The following STOX2 variants were observed in gnomAD, a reference collection of about 807,000 sequenced individuals.
The protein encoded by STOX2 is storkhead-box protein 2.
Under a neutral mutation model 60.9 loss-of-function variants are expected in STOX2, and 28 were observed. The observed-to-expected ratio is 0.46, with a 90% CI of 0.34 to 0.63. The LOEUF (loss-of-function observed/expected upper bound fraction) is 0.63, where lower values mean the gene tolerates loss of function less well. STOX2 is among the 30% of genes least tolerant of loss of function. The pLI, the probability that STOX2 is intolerant of heterozygous loss-of-function variation, is 0.01. For missense variants in STOX2, 1,024 were observed against 1,187.7 expected (o/e 0.86, Z 2.03); for synonymous variants, 472 against 463.9 (o/e 1.02, Z -0.22).
At chr4:183,834,944 A>G (rs910882225) in intron 1 of STOX2, among the ~76,000 whole-genome samples, 10 of 152,168 alleles carry the variant, frequency 6.6e-5, no homozygotes, top group African/African-American at 2.4e-4. Context: ...GGATGAGCCA[A>G]GAATTTCCGA....
At chr4:183,996,106 C>G (rs540791342) in intron 1 of STOX2, among the ~76,000 whole-genome samples, 4 of 152,248 alleles carry the variant, frequency 2.6e-5, no homozygotes, top group Admixed American at 2.0e-4. Context: ...ATTTTAAGCT[C>G]GCTTAAAAAT....
At chr4:183,870,701 G>A (rs1183757638) in intron 1 of STOX2, among the ~76,000 whole-genome samples, 1 of 152,104 alleles carries the variant, frequency 6.6e-6, no homozygotes, top group East Asian at 1.9e-4. Context: ...TTTCATAGCT[G>A]CTTTGTCTTT....
At chr4:183,891,261 A>C (rs1741200989) in intron 1 of STOX2, among the ~76,000 whole-genome samples, 1 of 150,150 alleles carries the variant, frequency 6.7e-6, no homozygotes, top group African/African-American at 2.5e-5. Context: ...TGGATAAAGA[A>C]ACTGGTGTGT....
chr4:183,860,442 C>CAAAAAAAAAAAAAAAAAAAGAAAAAA (rs35753992), intron 1 of STOX2, among the ~76,000 whole-genome samples: 1 of 121,506 alleles, frequency 8.2e-6, no homozygotes, highest in Non-Finnish European at 1.7e-5. Context: ...AAACAAAAAA[C>CAAAAAAAAAAAAAAAAAAAGAAAAAA]AAAAAAAAAA....
At chr4:183,815,183 G>A (rs1384070475) in intron 1 of STOX2, among the ~76,000 whole-genome samples, 1 of 151,466 alleles carries the variant, frequency 6.6e-6, no homozygotes, top group African/African-American at 2.4e-5. Flanking sequence ...TTTTAATAGA[G>A]AAGGAGTCTT....
rs886844498 is a variant in STOX2, at chr4:183,821,557, G to T, written c.364+23502G>T. Among the ~76,000 whole-genome samples the T allele has an allele frequency of 6.6e-6, 1 of 152,216 alleles. No individual in the cohort carries two copies. Among genetic ancestry groups the T allele is most frequent in the Admixed American group, 6.5e-5 (1 of 15,286 alleles). On this transcript the variant is annotated intron_variant, in intron 1 of 2. Transcript: ENST00000513034. The surrounding 1 kb of genome is among the most constrained non-coding windows in gnomAD (Gnocchi z 4.2). ...GTCATTGCTCACAGCTCCCCATCTT[G>T]CTGTGTCCTTTGTTCTGATGTCACT... is the stretch of plus-strand genomic sequence containing the variant.
intron 1 of STOX2, among the ~76,000 whole-genome samples, chr4:183,805,386 A>G (rs559971640): frequency 3.8e-4 from 58 of 152,326 alleles, no homozygotes; most frequent in African/African-American, 1.3e-3. Flanking sequence ...GTTTATCTCA[A>G]TGAGGAATAA....
At chr4:183,987,230 T>C (rs1217502029) in intron 1 of STOX2, among the ~76,000 whole-genome samples, 1 of 152,150 alleles carries the variant, frequency 6.6e-6, no homozygotes, top group Non-Finnish European at 1.5e-5. Context: ...CTCCTTCCAT[T>C]GTGTTCTCTC....
chr4:183,969,099 G>A (rs1165683824), intron 1 of STOX2, among the ~76,000 whole-genome samples: 3 of 152,180 alleles, frequency 2.0e-5, no homozygotes, highest in South Asian at 2.1e-4. Context: ...GAGAATTGAC[G>A]CCTTTATTGC....
intron 1 of STOX2, among the ~76,000 whole-genome samples, chr4:183,989,185 T>TG (rs1391418542): frequency 1.6e-4 from 7 of 43,984 alleles, no homozygotes; most frequent in Non-Finnish European, 3.2e-4. Context: ...TTTTTTTTTT[T>TG]TTTTTTTTGT....
intron 1 of STOX2, among the ~76,000 whole-genome samples, chr4:183,852,464 G>A (rs1269705822): frequency 4.5e-5 from 2 of 44,884 alleles, no homozygotes; most frequent in Non-Finnish European, 9.1e-5. Flanking sequence ...AAACGATGAG[G>A]GAAAGGATGA....
rs748208373 is a variant in STOX2 at position 184,009,901 on chromosome 4, G to A, written c.1063G>A (p.Gly355Arg). 1.1e-5 allele frequency: 18 copies of A among 1,612,316 alleles called. No individual in the cohort carries two copies. Among genetic ancestry groups the A allele is most frequent in the African/African-American group, 2.7e-5 (2 of 75,002 alleles). ...SKAGSSAHHSGRSKKSRTHRK... is the reference protein window; with the variant it reads ...SKAGSSAHHSRRSKKSRTHRK... Reference sequence around the variant, plus strand: ...AGCCGGGTCCTCTGCCCATCACAGCGGAAGGAGTAAAAAGAGTAGGACTCA... The same window carrying A: ...AGCCGGGTCCTCTGCCCATCACAGCAGAAGGAGTAAAAAGAGTAGGACTCA... The change falls in exon 3 of 4, where the codon GGA (glycine) becomes AGA (arginine). Residue 355 changes from glycine to arginine, a missense_variant. Around this residue, in one of 3 missense-constraint regions of STOX2, gnomAD observed 922 missense variants for 1,058.3 expected, o/e 0.87. Coordinates refer to ENST00000308497, the MANE Select transcript of STOX2 (RefSeq NM_020225.3). The surrounding 1 kb of genome is among the most constrained non-coding windows in gnomAD (Gnocchi z 4.0).
At chr4:183,861,407 A>G (rs1447842562) in intron 1 of STOX2, among the ~76,000 whole-genome samples, 4 of 152,202 alleles carry the variant, frequency 2.6e-5, no homozygotes, top group South Asian at 2.1e-4. Context: ...TAATGTTCAT[A>G]GATACCCAGG....
At chr4:183,939,478 T>C (rs1348774102) in intron 1 of STOX2, among the ~76,000 whole-genome samples, 2 of 152,218 alleles carry the variant, frequency 1.3e-5, no homozygotes, top group Admixed American at 1.3e-4. Context: ...TCGAGTTCCT[T>C]AACTTCATCA....
At chr4:183,798,936 CT>C in intron 1 of STOX2, 1 of 289,468 alleles carries the variant, frequency 3.5e-6, no homozygotes, top group Non-Finnish European at 4.5e-6. Context: ...AATAGTAAAG[CT>C]TTAGGAAACA....
chr4:184,005,497 A>C (rs1258593735), intron 2 of STOX2, among the ~76,000 whole-genome samples: 1 of 81,164 alleles, frequency 1.2e-5, no homozygotes, highest in African/African-American at 3.0e-5. Flanking sequence ...TAAGTAGACC[A>C]CAGTGTCATG....
intron 1 of STOX2, among the ~76,000 whole-genome samples, chr4:183,858,413 C>T (rs187144175): frequency 2.6e-5 from 4 of 152,228 alleles, no homozygotes; most frequent in South Asian, 2.1e-4. Flanking sequence ...GCTGTCGTTG[C>T]GCTCAGCTCT....
chr4:183,961,693 A>C (rs1182866458), intron 1 of STOX2, among the ~76,000 whole-genome samples: 1 of 152,208 alleles, frequency 6.6e-6, no homozygotes, highest in East Asian at 1.9e-4. Context: ...TGTACACTGT[A>C]CCCAGTAGGT....
Position 184,017,221 on chromosome 4 carries a change from A to G in STOX2, c.2718A>G (p.Thr906=), listed in dbSNP as rs1734413896. ...TCCGAGCGAGCGCGGAGCCCCCGACAAATGAAGCTGAGAAGCTACAGAAAC... is the reference window on the plus strand; with the variant it reads ...TCCGAGCGAGCGCGGAGCCCCCGACGAATGAAGCTGAGAAGCTACAGAAAC... ...FNFRASAEPP[T]NEAEKLQKPS... is the part of the protein sequence containing the mutation. Residue 906 remains threonine, a synonymous_variant, in exon 4 of 4, where the codon ACA becomes ACG. Coordinates refer to ENST00000308497, the MANE Select transcript of STOX2 (RefSeq NM_020225.3). The G allele has an allele frequency of 6.2e-7, 1 of 1,609,982 alleles. No individual in the cohort carries two copies. Among genetic ancestry groups the G allele is most frequent in the Admixed American group, 1.7e-5 (1 of 59,518 alleles).
Sources: gnomAD v4.1 joint callset for allele counts (sites outside exome capture counted in the v4.1 genomes callset) on GRCh38, gnomAD v4.1.1 for gene constraint, gnomAD v4.1.1 regional missense constraint, Gnocchi (gnomAD v3.1) non-coding constraint, MANE v1.5 for transcripts, NCBI Gene and HGNC (gene_info 2026-07-23, HGNC 2026-07-21) for gene names.